The following DPP6 variants were observed in gnomAD, a reference collection of about 807,000 sequenced individuals.
The protein encoded by DPP6 is A-type potassium channel modulatory protein DPP6.
Under a neutral mutation model 122.6 loss-of-function variants are expected in DPP6, and 69 were observed. The ratio of observed to expected loss-of-function variants is 0.56; its 90% CI spans 0.46 to 0.69. DPP6 has a LOEUF of 0.69. Ranked by LOEUF, DPP6 falls within the 30% of genes least tolerant of loss-of-function variation. DPP6 has a pLI of 0.00. For missense variants in DPP6, 928 were observed against 1,116.9 expected, an observed-to-expected ratio of 0.83 and a Z score of 2.41; for synonymous variants, 418 against 433.1, an observed-to-expected ratio of 0.97 and a Z score of 0.43.
At chr7:154,269,184 A>G (rs537397286) in intron 1 of DPP6, among the ~76,000 whole-genome samples, 2 of 152,172 alleles carry the variant, frequency 1.3e-5, no homozygotes, top group African/African-American at 4.8e-5. Flanking sequence ...CGTAATTTTC[A>G]TTCTCTATAA....
intron 1 of DPP6, among the ~76,000 whole-genome samples, chr7:153,961,843 G>A (rs1482004616): frequency 8.9e-6 from 1 of 112,184 alleles, no homozygotes; most frequent in African/African-American, 4.1e-5. Context: ...ATGAGGATCT[G>A]ATGCTGCAGC....
chr7:154,848,251 T>C (rs1282451904), intron 16 of DPP6, among the ~76,000 whole-genome samples: 1 of 152,202 alleles, frequency 6.6e-6, no homozygotes, highest in African/African-American at 2.4e-5. Flanking sequence ...ACCACCATAT[T>C]GTTTTATGAA....
intron 1 of DPP6, among the ~76,000 whole-genome samples, chr7:153,987,800 T>G (rs997578232): frequency 7.9e-5 from 12 of 152,110 alleles, no homozygotes; most frequent in Admixed American, 7.9e-4. Flanking sequence ...TATGCAGGTG[T>G]GTAAGTGCAG....
chr7:154,776,337 C>T (rs191018494), intron 10 of DPP6, among the ~76,000 whole-genome samples: 14 of 152,172 alleles, frequency 9.2e-5, no homozygotes, highest in Admixed American at 6.5e-4. Context: ...CACTCCCATA[C>T]GAGGATCTGC....
the DPP6 span, among the ~76,000 whole-genome samples, chr7:153,855,283 C>T: frequency 6.6e-6 from 1 of 151,556 alleles, no homozygotes; most frequent in East Asian, 1.9e-4. Flanking sequence ...AAAAAATATT[C>T]TTTTTCAATA....
the DPP6 span, among the ~76,000 whole-genome samples, chr7:153,804,092 C>T: frequency 6.6e-6 from 1 of 150,874 alleles, no homozygotes; most frequent in Non-Finnish European, 1.5e-5. Flanking sequence ...CTCTGTTGCT[C>T]AGGCTGGAGT....
rs59605527 is a variant in DPP6 at position 153,918,566 on chromosome 7, GTCTCTCTCTCTCTCTC to G, written c.51+30870_51+30885del. On this transcript the variant is annotated intron_variant, in intron 1 of 25. Coordinates refer to the DPP6 transcript ENST00000404039. Reference sequence around the variant, plus strand: ...ACACACACACACACACACACACACAGTCTCTCTCTCTCTCTCTCTCTCTCTCTCTCTCTCTCTCTCT... The same window carrying G: ...ACACACACACACACACACACACACAGTCTCTCTCTCTCTCTCTCTCTCTCT... Among the ~76,000 whole-genome samples, 805 of 104,354 alleles carry G rather than the reference GTCTCTCTCTCTCTCTC, an allele frequency of 7.7e-3. 14 individuals are homozygous for G. The highest frequency in any genetic ancestry group is 0.024 in the Middle Eastern group (4 of 168). 68.5% of individuals were successfully genotyped at this position (104,354 alleles called of 152,430 possible).
intron 2 of DPP6, among the ~76,000 whole-genome samples, chr7:154,462,226 G>C (rs1179346097): frequency 1.3e-5 from 2 of 152,130 alleles, no homozygotes; most frequent in African/African-American, 4.8e-5. Flanking sequence ...CTATGTGTCT[G>C]TTTTTATGCC....
At chr7:154,174,283 G>A (rs1035087779) in intron 1 of DPP6, among the ~76,000 whole-genome samples, 1 of 152,196 alleles carries the variant, frequency 6.6e-6, no homozygotes, top group Non-Finnish European at 1.5e-5. Flanking sequence ...ACGTGGTTGG[G>A]GAGAAGTAGA....
chr7:154,489,449 G>A (rs1430134811), intron 3 of DPP6, among the ~76,000 whole-genome samples: 2 of 152,264 alleles, frequency 1.3e-5, no homozygotes, highest in South Asian at 2.1e-4. Flanking sequence ...AATGGAATTC[G>A]TGCTTTGTGG....
At chr7:154,558,161 A>T (rs1018661972) in intron 4 of DPP6, among the ~76,000 whole-genome samples, 17 of 151,510 alleles carry the variant, frequency 1.1e-4, no homozygotes, top group African/African-American at 4.1e-4. Context: ...ATGTGTTCTC[A>T]ATGTTGAACT....
intron 16 of DPP6, among the ~76,000 whole-genome samples, chr7:154,807,798 G>A (rs1048921832): frequency 2.0e-5 from 3 of 152,040 alleles, no homozygotes; most frequent in African/African-American, 7.2e-5. Context: ...CTCCAGCCTG[G>A]GCAACAGAGT....
intron 3 of DPP6, among the ~76,000 whole-genome samples, chr7:154,536,852 A>G (rs369067334): frequency 1.6e-4 from 25 of 152,316 alleles, no homozygotes; most frequent in East Asian, 7.7e-4. Flanking sequence ...ACCTTCTCAA[A>G]TTGTACTGCA....
the DPP6 span, among the ~76,000 whole-genome samples, chr7:153,753,829 GTT>G: frequency 1.7e-3 from 257 of 152,204 alleles, no homozygotes; most frequent in African/African-American, 6.0e-3. Flanking sequence ...AATATCTCCT[GTT>G]TACCCATTTG....
intron 5 of DPP6, among the ~76,000 whole-genome samples, chr7:154,636,896 A>G (rs984468819): frequency 1.3e-5 from 2 of 152,204 alleles, no homozygotes; most frequent in Non-Finnish European, 2.9e-5. Context: ...AGGTGGTTTT[A>G]AATGTTGGTC....
chr7:154,385,150 T>A (rs551664644), intron 1 of DPP6, among the ~76,000 whole-genome samples: 13 of 152,244 alleles, frequency 8.5e-5, no homozygotes, highest in Non-Finnish European at 1.5e-4. Flanking sequence ...TTTATATTTT[T>A]AGTAGAGACA....
At chr7:154,136,599 A>G (rs1198182073) in intron 1 of DPP6, among the ~76,000 whole-genome samples, 1 of 152,172 alleles carries the variant, frequency 6.6e-6, no homozygotes, top group Non-Finnish European at 1.5e-5. Flanking sequence ...AAATGCTCTC[A>G]CAAGCACATA....
chr7:154,878,726 G>C (rs149189482), intron 20 of DPP6, among the ~76,000 whole-genome samples: 74 of 152,280 alleles, frequency 4.9e-4, no homozygotes, highest in African/African-American at 1.7e-3. Context: ...AAGGCAGCGG[G>C]CAGCTGTGTA....
chr7:153,923,578 G>A lies in DPP6; in HGVS notation c.51+35844G>A, dbSNP rs550676461. 3.7e-3 allele frequency among the ~76,000 whole-genome samples: 567 copies of A among 152,030 alleles called. 4 individuals are homozygous for A. The highest frequency in any genetic ancestry group is 4.4e-3 in the Non-Finnish European group (296 of 67,984). On this transcript the variant is annotated intron_variant, in intron 1 of 25. Coordinates refer to the DPP6 transcript ENST00000404039. ...AGATCGAGACCATCCTGGCTAATAT[G>A]GTGAAACCTCGTCTCTACTAAAAAT...
Sources: gnomAD v4.1 joint callset for allele counts (sites outside exome capture counted in the v4.1 genomes callset) on GRCh38, gnomAD v4.1.1 for gene constraint, MANE v1.5 for transcripts, NCBI Gene and HGNC (gene_info 2026-07-23, HGNC 2026-07-21) for gene names.